TRPM3: variants seen among roughly 807,000 people sequenced by gnomAD.
TRPM3 encodes the protein transient receptor potential cation channel subfamily M member 3.
Under a neutral mutation model 181.2 loss-of-function variants are expected in TRPM3, and 77 were observed. That is an observed-to-expected ratio of 0.42 (90% CI 0.35 to 0.51). TRPM3 has a LOEUF of 0.51. TRPM3 is among the 20% of genes least tolerant of loss of function. The probability of loss-of-function intolerance (pLI) is 0.01; values close to 1 mark genes in which losing one functional copy is unlikely to be tolerated. For synonymous variants in TRPM3, 745 were observed against 796.4 expected, an observed-to-expected ratio of 0.94 and a Z score of 1.09; for missense variants, 1,759 against 2,196.7, an observed-to-expected ratio of 0.80 and a Z score of 3.98.
chr9:70,811,660 C>G (rs34322547), intron 6 of TRPM3, among the ~76,000 whole-genome samples: 46,553 of 151,880 alleles, frequency 0.31, 8,524 homozygotes, highest in African/African-American at 0.51. Flanking sequence ...TTCCAGGAGA[C>G]GATAGGAATT....
At chr9:70,616,605 C>A (rs2062821054) in intron 17 of TRPM3, among the ~76,000 whole-genome samples, 1 of 146,292 alleles carries the variant, frequency 6.8e-6, no homozygotes, top group Non-Finnish European at 1.5e-5. Flanking sequence ...CCTAAGTTGA[C>A]CTTGAGAGAA....
intron 1 of TRPM3, among the ~76,000 whole-genome samples, chr9:71,326,836 G>T (rs973573641): frequency 6.6e-6 from 1 of 152,182 alleles, no homozygotes; most frequent in Non-Finnish European, 1.5e-5. Context: ...TAACACAGCA[G>T]AGGAGAAGCA....
chr9:70,536,496 G>A lies in TRPM3; in HGVS notation c.4617C>T (p.Pro1539=), dbSNP rs1038808802. 1 of 1,614,158 alleles carries A rather than the reference G, an allele frequency of 6.2e-7. No individual in the cohort carries two copies. Residue 1539 remains proline (P), a synonymous_variant, in exon 26 of 26, where the codon CCC becomes CCT. Coordinates refer to ENST00000677713, the MANE Select transcript of TRPM3 (RefSeq NM_001366145.2). Reference sequence around the variant, plus strand: ...CAAAGTTGGCATAATAGCTCCTTGAGGGGGAAAACATAAAGCTATGAGATT... The same window carrying A: ...CAAAGTTGGCATAATAGCTCCTTGAAGGGGAAAACATAAAGCTATGAGATT... ...IVKSHSFMFS[P]SRSYYANFGV... is the part of the protein sequence containing the mutation.
intron 1 of TRPM3, among the ~76,000 whole-genome samples, chr9:70,868,035 CTTT>C (rs748971189): frequency 1.3e-5 from 2 of 152,048 alleles, no homozygotes; most frequent in Non-Finnish European, 2.9e-5. Flanking sequence ...TTCAATTCTT[CTTT>C]AATACAAAAC....
rs57992705 is a variant in TRPM3 at position 70,629,221 on chromosome 9, G to T, written c.1633-3704C>A. ...ATGATTCTGTGACCAGTGCCGGGGG[G>T]GGGGGGGGCCTGCGTTCTGTTTGAC... On this transcript the variant is annotated intron_variant, in intron 12 of 25. Coordinates refer to ENST00000677713, the MANE Select transcript of TRPM3 (RefSeq NM_001366145.2). 2.6e-4 allele frequency among the ~76,000 whole-genome samples: 4 copies of T among 15,204 alleles called. 1 individual carries two copies. The highest frequency in any genetic ancestry group is 5.1e-4 in the Non-Finnish European group (2 of 3,912). 10.0% of individuals were successfully genotyped at this position (15,204 alleles called of 152,430 possible). A position where few individuals can be genotyped will look rare whatever the true frequency, so the allele number is the denominator to read the frequency against.
At chr9:70,681,377 C>A (rs982275790) in intron 9 of TRPM3, 129 bp downstream of exon 9, 8 of 736,728 alleles carry the variant, frequency 1.1e-5, no homozygotes, top group South Asian at 9.1e-5. Flanking sequence ...ACAGGAGAGA[C>A]CCCTATGTTA....
At chr9:70,866,739 C>T (rs2095657918) in intron 1 of TRPM3, among the ~76,000 whole-genome samples, 1 of 152,036 alleles carries the variant, frequency 6.6e-6, no homozygotes, top group Non-Finnish European at 1.5e-5. Context: ...TTCTATGTCA[C>T]ATGGATAATT....
At chr9:71,396,298 T>C (rs1251689159) in intron 1 of TRPM3, among the ~76,000 whole-genome samples, 2 of 63,582 alleles carry the variant, frequency 3.1e-5, no homozygotes, top group East Asian at 9.7e-4. Flanking sequence ...AAAAGTGCTA[T>C]TGCTAAAAAA....
chr9:71,417,506 C>T (rs543829312), intron 1 of TRPM3, among the ~76,000 whole-genome samples: 34 of 152,106 alleles, frequency 2.2e-4, no homozygotes, highest in East Asian at 3.9e-4. Context: ...CATGCACATA[C>T]GCTAGCACAA....
At chr9:71,394,023 C>T (rs2093130014) in intron 1 of TRPM3, among the ~76,000 whole-genome samples, 1 of 152,154 alleles carries the variant, frequency 6.6e-6, no homozygotes, top group South Asian at 2.1e-4. Context: ...TATGTACACA[C>T]GTCTGAGAAG....
intron 1 of TRPM3, among the ~76,000 whole-genome samples, chr9:70,949,819 C>A (rs896304137): frequency 6.6e-6 from 1 of 152,160 alleles, no homozygotes; most frequent in Admixed American, 6.6e-5. Context: ...GTGAAGGTTT[C>A]TGGAGGAAAT....
At chr9:71,215,188 C>T (rs1331731992) in intron 1 of TRPM3, among the ~76,000 whole-genome samples, 2 of 152,106 alleles carry the variant, frequency 1.3e-5, no homozygotes, top group East Asian at 3.9e-4. Context: ...AACACTACTG[C>T]CATTTGCACT....
At chr9:71,433,425 T>A (rs111316884) in intron 1 of TRPM3, among the ~76,000 whole-genome samples, 4 of 152,348 alleles carry the variant, frequency 2.6e-5, no homozygotes, top group African/African-American at 9.6e-5. Context: ...ACATGTTTGC[T>A]TCCTCTTCTG....
rs963008144 is a variant in TRPM3 at position 71,146,304 on chromosome 9, G to C, written c.184-281793C>G. 2.6e-5 allele frequency among the ~76,000 whole-genome samples: 4 copies of C among 152,080 alleles called. No individual in the cohort carries two copies. The East Asian group carries it at 5.8e-4, about 22-fold the overall frequency. On this transcript the variant is annotated intron_variant, in intron 1 of 24. Coordinates refer to the TRPM3 transcript ENST00000357533. ...TTTGCAGTTTCAGCCAAAGCCCCTA[G>C]CTTGCCAGGCTCATACTATACATTC...
intron 22 of TRPM3, among the ~76,000 whole-genome samples, chr9:70,583,307 A>G (rs2132395099): frequency 1.3e-5 from 2 of 152,352 alleles, no homozygotes; most frequent in East Asian, 3.9e-4. Flanking sequence ...GCTACACTTC[A>G]TAGCTTGCGC....
chr9:71,379,444 TTC>T (rs1361600381), intron 1 of TRPM3, among the ~76,000 whole-genome samples: 2 of 152,056 alleles, frequency 1.3e-5, no homozygotes, highest in African/African-American at 4.8e-5. Context: ...CAAAGCCACT[TTC>T]TGATTGTTGG....
rs560645764 is a variant in TRPM3, at chr9:71,199,985, T to C, written c.183+246668A>G. Among the ~76,000 whole-genome samples, 3 of 152,386 alleles carry C rather than the reference T, an allele frequency of 2.0e-5. No homozygotes were observed. In the East Asian group the frequency reaches 5.8e-4, roughly 29 times the overall value. ...ATGCTAGGGTGTCAATTTTGGATGT[T>C]TCCTGCTTTCTATTGTGCACATTTA... On this transcript the variant is annotated intron_variant, in intron 1 of 24. Coordinates refer to the TRPM3 transcript ENST00000357533.
intron 1 of TRPM3, among the ~76,000 whole-genome samples, chr9:71,106,985 T>C (rs2069755338): frequency 6.6e-6 from 1 of 152,174 alleles, no homozygotes; most frequent in Non-Finnish European, 1.5e-5. Flanking sequence ...GGTTCGCCTC[T>C]GCATTTGCGC....
intron 25 of TRPM3, among the ~76,000 whole-genome samples, chr9:70,538,314 A>AT (rs1261803704): frequency 6.6e-6 from 1 of 151,956 alleles, no homozygotes; most frequent in East Asian, 1.9e-4. Context: ...TTTTTTAGAG[A>AT]TGGGGGGGGT....
Sources: gnomAD v4.1 joint callset for allele counts (sites outside exome capture counted in the v4.1 genomes callset) on GRCh38, gnomAD v4.1.1 for gene constraint, MANE v1.5 for transcripts, NCBI Gene and HGNC (gene_info 2026-07-23, HGNC 2026-07-21) for gene names.